The following VPS41 variants were observed in gnomAD, a reference collection of about 807,000 sequenced individuals.
The protein encoded by VPS41 is VPS41 subunit of HOPS complex, also known as vacuolar protein sorting-associated protein 41 homolog.
VPS41 carries 85 observed loss-of-function variants against 130.9 expected under a neutral mutation model. That is an observed-to-expected ratio of 0.65 (90% CI 0.55 to 0.78). The LOEUF (loss-of-function observed/expected upper bound fraction) is 0.78. VPS41 is among the 30% of genes least tolerant of loss of function. The pLI, the probability that VPS41 is intolerant of heterozygous loss-of-function variation, is 0.00. For synonymous variants in VPS41, 335 were observed against 332.9 expected, an observed-to-expected ratio of 1.01 and a Z score of -0.07; for missense variants, 874 against 1,018.7, an observed-to-expected ratio of 0.86 and a Z score of 1.93.
At chr7:38,759,661 T>C (rs1783873544) in intron 17 of VPS41, among the ~76,000 whole-genome samples, 1 of 152,198 alleles carries the variant, frequency 6.6e-6, no homozygotes, top group African/African-American at 2.4e-5. Flanking sequence ...ATCTTGTTCC[T>C]TCTATAAAGT....
intron 25 of VPS41, among the ~76,000 whole-genome samples, chr7:38,732,723 G>T (rs551678011): frequency 6.6e-6 from 1 of 152,218 alleles, no homozygotes; most frequent in South Asian, 2.1e-4. Context: ...CGTAATGCTG[G>T]TATTAGGGTT....
At chr7:38,801,621 GTA>G (rs1784727648) in intron 7 of VPS41, among the ~76,000 whole-genome samples, 1 of 152,132 alleles carries the variant, frequency 6.6e-6, no homozygotes. Context: ...TATTGGTTCT[GTA>G]TATGTTTTAT....
At chr7:38,873,968 T>C (rs187879412) in intron 2 of VPS41, among the ~76,000 whole-genome samples, 1 of 152,330 alleles carries the variant, frequency 6.6e-6, no homozygotes, top group East Asian at 1.9e-4. Flanking sequence ...GGGTAAATTT[T>C]CATGGAGGAA....
intron 19 of VPS41, among the ~76,000 whole-genome samples, chr7:38,755,341 G>A (rs1399514073): frequency 2.6e-5 from 4 of 152,056 alleles, no homozygotes; most frequent in African/African-American, 9.7e-5. Context: ...CTTCAACCTC[G>A]ACCTAGTCTC....
intron 4 of VPS41, among the ~76,000 whole-genome samples, chr7:38,838,901 ACTC>A (rs1312408850): frequency 2.0e-5 from 3 of 151,952 alleles, no homozygotes; most frequent in Non-Finnish European, 4.4e-5. Context: ...TTCCCCTGAT[ACTC>A]CTCATCATCC....
intron 4 of VPS41, among the ~76,000 whole-genome samples, chr7:38,850,313 C>T (rs1584426971): frequency 6.6e-6 from 1 of 152,338 alleles, no homozygotes; most frequent in Non-Finnish European, 1.5e-5. Flanking sequence ...TTTCACATGG[C>T]TACTGGGCAT....
chr7:38,734,576 C>T (rs905772991), intron 25 of VPS41, among the ~76,000 whole-genome samples: 7 of 152,132 alleles, frequency 4.6e-5, no homozygotes, highest in African/African-American at 1.7e-4. Context: ...AGTTCATCAT[C>T]ATTGATAATA....
At chr7:38,813,748 A>C (rs1355309801) in intron 7 of VPS41, among the ~76,000 whole-genome samples, 1 of 152,166 alleles carries the variant, frequency 6.6e-6, no homozygotes, top group East Asian at 1.9e-4. Flanking sequence ...TTAATAATAA[A>C]ATCATTTTTA....
At chr7:38,755,036 G>T in intron 19 of VPS41, 100 bp from the exon 20 acceptor site, 4 of 1,105,104 alleles carry the variant, frequency 3.6e-6, no homozygotes, top group Non-Finnish European at 5.3e-6. Context: ...CAGGTGGAAG[G>T]CTTATTTTGT....
At chr7:38,794,698 T>C (rs1197609123) in intron 9 of VPS41, among the ~76,000 whole-genome samples, 1 of 152,236 alleles carries the variant, frequency 6.6e-6, no homozygotes, top group African/African-American at 2.4e-5. Flanking sequence ...CCCAGGTCTG[T>C]CTGGCCTCAA....
chr7:38,845,609 T>C (rs1024674068), intron 4 of VPS41, among the ~76,000 whole-genome samples: 13 of 152,222 alleles, frequency 8.5e-5, no homozygotes, highest in African/African-American at 3.1e-4. Context: ...CCCCAAGATG[T>C]CTTGAATGGT....
chr7:38,797,011 T>C, intron 7 of VPS41, 147 bp from the exon 8 acceptor site: 1 of 864,308 alleles, frequency 1.2e-6, no homozygotes, highest in Non-Finnish European at 1.8e-6. Context: ...TAGTATGTTA[T>C]TTGTACCTTG....
chr7:38,899,521 G>A (rs911903036), intron 1 of VPS41, among the ~76,000 whole-genome samples: 1 of 152,160 alleles, frequency 6.6e-6, no homozygotes, highest in African/African-American at 2.4e-5. Flanking sequence ...TTACTGTACT[G>A]ATCCTTCTCT....
Position 38,832,243 on chromosome 7 carries a change from AT to A in VPS41, c.247-1916del, listed in dbSNP as rs1401371279. Among the ~76,000 whole-genome samples the A allele has an allele frequency of 2.7e-5, 4 of 146,156 alleles. No individual in the cohort carries two copies. The East Asian group carries it at 6.1e-4, about 22-fold the overall frequency. On this transcript the variant is annotated intron_variant, in intron 4 of 28. Transcript: ENST00000310301. ...CCAGATATTGTATATACAGTCTCCT[AT>A]TTTTTTGCATGATGGTTATTACTTT...
rs1312531104 is a variant in VPS41 at position 38,796,843 on chromosome 7, A to G, written c.472T>C (p.Trp158Arg). The change falls in exon 8 of 29, where the codon TGG becomes CGG. Residue 158 changes from tryptophan (W) to arginine (R), a missense_variant. Physicochemically the swap from Trp to Arg is moderately radical, Grantham distance 101. Transcript: ENST00000310301. ...ACAGCAGACTTCCATCTGTTCATCC[A>G]AGACCGTTCAAACAGTAGCAGCTAG... The part of the protein sequence containing the change: ...GKKLLLFERS[W>R]MNRWKSAVLH... 2 of 1,613,848 alleles carry G rather than the reference A, an allele frequency of 1.2e-6. No homozygotes were observed. Among genetic ancestry groups the G allele is most frequent in the Non-Finnish European group, 8.5e-7 (1 of 1,179,864 alleles).
At chr7:38,837,039 G>T (rs572389193) in intron 4 of VPS41, among the ~76,000 whole-genome samples, 1 of 152,112 alleles carries the variant, frequency 6.6e-6, no homozygotes, top group African/African-American at 2.4e-5. Context: ...TAAAAGCAAA[G>T]CATCTAAATG....
At chr7:38,804,307 AT>A (rs1242746733) in intron 7 of VPS41, among the ~76,000 whole-genome samples, 2 of 151,970 alleles carry the variant, frequency 1.3e-5, no homozygotes, top group Non-Finnish European at 2.9e-5. Flanking sequence ...TCCATTAGTT[AT>A]TTTTTCTGAT....
At chr7:38,871,176 C>A (rs930875444) in intron 2 of VPS41, among the ~76,000 whole-genome samples, 5 of 152,070 alleles carry the variant, frequency 3.3e-5, no homozygotes, top group African/African-American at 1.2e-4. Context: ...CTGCAATAAG[C>A]AGGATAAATA....
chr7:38,889,142 G>GA (rs1410024549), intron 2 of VPS41, among the ~76,000 whole-genome samples: 4 of 151,354 alleles, frequency 2.6e-5, no homozygotes, highest in African/African-American at 7.3e-5. Context: ...AGGGACCTGT[G>GA]AAAAAAATAA....
Sources: allele counts gnomAD v4.1 joint callset (sites outside exome capture counted in the v4.1 genomes callset), GRCh38; gene constraint gnomAD v4.1.1; transcripts MANE v1.5; gene names NCBI Gene and HGNC (gene_info 2026-07-23, HGNC 2026-07-21).